The following VCPKMT variants were observed in gnomAD, a reference collection of about 807,000 sequenced individuals.
VCPKMT encodes the protein valosin containing protein lysine methyltransferase.
VCPKMT carries 32 observed loss-of-function variants against 28.6 expected under a neutral mutation model. The ratio of observed to expected loss-of-function variants is 1.12; its 90% confidence interval spans 0.84 to 1.50. The LOEUF (loss-of-function observed/expected upper bound fraction) is 1.50, where lower values mean the gene tolerates loss of function less well. Among genes scored for constraint, VCPKMT ranks in the 40% most tolerant of loss-of-function variants. VCPKMT has a pLI of 0.00. For synonymous variants in VCPKMT, 138 were observed against 111.4 expected, an observed-to-expected ratio of 1.24 and a Z score of -1.50; for missense variants, 366 against 285.0, an observed-to-expected ratio of 1.28 and a Z score of -2.05.
At position 50,108,836 on chromosome 14, in the gene VCPKMT, G is replaced by A. The variant is rs1026696429; in HGVS notation, c.*863C>T. The A allele has an allele frequency of 1.4e-5, 14 of 984,978 alleles. No homozygotes were observed. The African/African-American group carries it at 2.3e-4, about 16-fold the overall frequency. The allele number at this position is 984,978 out of a possible 1,614,324, so 61.0% of individuals were successfully genotyped here. A position where few individuals can be genotyped will look rare whatever the true frequency, so the allele number is the denominator to read the frequency against. Reference sequence around the variant, plus strand: ...GAAATTCATTTGGTATATACATATAGAACTACATTTGTAGTTATTCAAAAA... The same window carrying A: ...GAAATTCATTTGGTATATACATATAAAACTACATTTGTAGTTATTCAAAAA... On this transcript the variant is annotated 3_prime_UTR_variant, in exon 6 of 6. Transcript: ENST00000395860.
chr14:50,105,226 A>G (rs1228712472), downstream of VCPKMT, among the ~76,000 whole-genome samples: 1 of 152,374 alleles, frequency 6.6e-6, no homozygotes, highest in East Asian at 1.9e-4. Context: ...CTGTCATATC[A>G]TATTTTGCAT....
chr14:50,115,939 T>C, intron 2 of VCPKMT, 28 bp from the exon 3 acceptor site: 2 of 1,610,198 alleles, frequency 1.2e-6, no homozygotes, highest in Non-Finnish European at 1.7e-6. Context: ...AATATTTCAA[T>C]TGTTTTAATA....
chr14:50,114,282 T>C lies in VCPKMT; in HGVS notation c.570+3A>G, dbSNP rs1331454978. On this transcript the variant is annotated splice_donor_region_variant and intron_variant, in intron 4 of 5. Coordinates refer to ENST00000395860, the MANE Select transcript of VCPKMT (RefSeq NM_024558.3). ...CAAAGATAATAGAGTACTTAATACT[T>C]ACCTCAAAATATTTTTTCTCAATTT... 1 of 1,582,048 alleles carries C rather than the reference T, an allele frequency of 6.3e-7. No homozygotes were observed. Among genetic ancestry groups the C allele is most frequent in the Non-Finnish European group, 8.6e-7 (1 of 1,169,102 alleles).
chr14:50,111,581 C>T (rs570048367), intron 5 of VCPKMT: 1,564 of 985,296 alleles, frequency 1.6e-3, no homozygotes, highest in Non-Finnish European at 1.7e-3. Context: ...GCTGGAAATA[C>T]AAAAATAGAT....
At position 50,116,339 on chromosome 14, in the gene VCPKMT, G is replaced by C. The variant is rs752867076; in HGVS notation, c.214C>G (p.Leu72Val). ...GCCCCGGTGCCCGAACCCAGCTCCA[G>C]CACCGACCGCCGGCTCAGCGCGTGG... The part of the protein sequence containing the change: ...GAHALSRRSV[L>V]ELGSGTGAVG... Residue 72 changes from leucine to valine, a missense_variant, in exon 1 of 6, where the codon CTG becomes GTG. Transcript: ENST00000395860. The C allele has an allele frequency of 9.9e-6, 16 of 1,611,268 alleles. No homozygotes were observed. In the Admixed American group the frequency reaches 1.0e-4, roughly 10 times the overall value.
At chr14:50,114,194 C>T in intron 4 of VCPKMT, 91 bp downstream of exon 4, 1 of 1,263,042 alleles carries the variant, frequency 7.9e-7, no homozygotes, top group Non-Finnish European at 1.0e-6. Flanking sequence ...ATGTTTTCCC[C>T]ACCCAAAATT....
In VCPKMT at chr14:50,114,135, G is replaced by A. The variant is rs1000157540; in HGVS notation, c.570+150C>T. On this transcript the variant is annotated intron_variant, in intron 4 of 5. Transcript: ENST00000395860. ...AGAAAAGATGAAAAAGGGGAGCTTC[G>A]TAGAATCATGGGCTGTGAAGATCCT... 2.1e-5 allele frequency: 14 copies of A among 668,050 alleles called. No homozygotes were observed. In the East Asian group the frequency reaches 3.0e-4, roughly 14 times the overall value. 41.4% of individuals were successfully genotyped at this position (668,050 alleles called of 1,614,324 possible).
rs1298388196 is a variant in VCPKMT at position 50,110,905 on chromosome 14, G to A, written c.676-1192C>T. Among the ~76,000 whole-genome samples the A allele has an allele frequency of 2.6e-5, 4 of 152,202 alleles. No homozygotes were observed. The South Asian group carries it at 8.3e-4, about 32-fold the overall frequency. On this transcript the variant is annotated intron_variant, in intron 5 of 5. Coordinates refer to ENST00000395860, the MANE Select transcript of VCPKMT (RefSeq NM_024558.3). Reference sequence around the variant, plus strand: ...GCTGAGTGAAAGAAGACAGTCACAAGAGGCCACACAGTATGTGACTTGTTA... The same window carrying A: ...GCTGAGTGAAAGAAGACAGTCACAAAAGGCCACACAGTATGTGACTTGTTA...
At chr14:50,106,605 T>C, downstream of VCPKMT, 2 of 985,444 alleles carry the variant, frequency 2.0e-6, no homozygotes, top group Non-Finnish European at 1.2e-6. Context: ...TCTGTCTCCA[T>C]GCTTCGGAAT....
At chr14:50,104,693 G>GGAA (rs1555365546), downstream of VCPKMT, among the ~76,000 whole-genome samples, 2 of 87,260 alleles carry the variant, frequency 2.3e-5, no homozygotes, top group Non-Finnish European at 4.9e-5. Flanking sequence ...TTACTCTATT[G>GGAA]AAAAAAAAAA....
At position 50,116,214 on chromosome 14, in the gene VCPKMT, G is replaced by C. The variant is rs60114069; in HGVS notation, c.267-35C>G. On this transcript the variant is annotated intron_variant, in intron 1 of 5. Coordinates refer to ENST00000395860, the MANE Select transcript of VCPKMT (RefSeq NM_024558.3). The stretch of plus-strand genomic sequence containing the variant: ...AACGTCGACTGAGGTGTAGGCACAG[G>C]GGGGAAAGCCTGTAATCCGGATTTC... 2,151 of 1,613,404 alleles carry C rather than the reference G, an allele frequency of 1.3e-3. 22 individuals are homozygous for C. In the African/African-American group the frequency reaches 0.024, roughly 18 times the overall value.
chr14:50,114,234 G>A, intron 4 of VCPKMT, 51 bp downstream of exon 4: 2 of 1,425,514 alleles, frequency 1.4e-6, no homozygotes, highest in South Asian at 1.8e-5. Context: ...GTCACATACA[G>A]CCCCCCTGAA....
rs1160596467 is a variant in VCPKMT, at chr14:50,109,043, T to G, written c.*656A>C. 1.0e-6 allele frequency: 1 copy of G among 985,362 alleles called. No individual in the cohort carries two copies. The allele number at this position is 985,362 out of a possible 1,614,324, so 61.0% of individuals were successfully genotyped here. A position where few individuals can be genotyped will look rare whatever the true frequency, so the allele number is the denominator to read the frequency against. The stretch of plus-strand genomic sequence containing the variant: ...TGTTCCTCCAATCTTCTGATTTGTC[T>G]TCTTAGCAACTCATTACAGTACAAT... On this transcript the variant is annotated 3_prime_UTR_variant, in exon 6 of 6. Coordinates refer to ENST00000395860, the MANE Select transcript of VCPKMT (RefSeq NM_024558.3).
In VCPKMT at chr14:50,116,059, CCATA is replaced by C. The variant is rs751167806; in HGVS notation, c.377+6_377+9del. The C allele has an allele frequency of 6.9e-6, 11 of 1,601,812 alleles. No individual in the cohort carries two copies. The highest frequency in any genetic ancestry group is 2.2e-5 in the East Asian group (1 of 44,650). The stretch of plus-strand genomic sequence containing the variant: ...CAATATCTTAAAACAAGCTGAAAGG[CCATA>C]CAAACCATTTCAGTACCTTGGCTTG... On this transcript the variant is annotated splice_donor_region_variant and intron_variant, in intron 2 of 5. Coordinates refer to ENST00000395860, the MANE Select transcript of VCPKMT (RefSeq NM_024558.3).
At chr14:50,109,782 G>C (rs1463300684) in intron 5 of VCPKMT, 69 bp from the exon 6 acceptor site, 2 of 1,518,068 alleles carry the variant, frequency 1.3e-6, no homozygotes, top group African/African-American at 2.8e-5. Flanking sequence ...ATTTAATAAT[G>C]CCTAATATGC....
At chr14:50,103,549 G>A in the VCPKMT span, among the ~76,000 whole-genome samples, 1 of 152,120 alleles carries the variant, frequency 6.6e-6, no homozygotes, top group Non-Finnish European at 1.5e-5. Flanking sequence ...GTTAATCCTG[G>A]AGCTCCAGCC....
At chr14:50,111,574 G>C in intron 5 of VCPKMT, 1 of 985,304 alleles carries the variant, frequency 1.0e-6, no homozygotes, top group Non-Finnish European at 1.2e-6. Flanking sequence ...CAAAGGTGCT[G>C]GAAATACAAA....
At chr14:50,106,572 A>C, downstream of VCPKMT, 1 of 985,426 alleles carries the variant, frequency 1.0e-6, no homozygotes, top group Non-Finnish European at 1.2e-6. Flanking sequence ...TCAGCCTTAC[A>C]GTTCCCACAT....
At position 50,114,453 on chromosome 14, in the gene VCPKMT, A is replaced by G. The variant is rs1053124347; in HGVS notation, c.451-49T>C. The G allele has an allele frequency of 1.3e-5, 17 of 1,340,494 alleles. No individual in the cohort carries two copies. The Admixed American group carries it at 4.5e-4, about 36-fold the overall frequency. 83.0% of individuals were successfully genotyped at this position (1,340,494 alleles called of 1,614,324 possible). On this transcript the variant is annotated intron_variant, in intron 3 of 5. Transcript: ENST00000395860. Reference sequence around the variant, plus strand: ...TTGTTTTTGATTTAAAAATTTTTCTACTCTAAAAGTAGGTTGAGGAGGTAC... The same window carrying G: ...TTGTTTTTGATTTAAAAATTTTTCTGCTCTAAAAGTAGGTTGAGGAGGTAC...
Sources: gnomAD v4.1 joint callset for allele counts (sites outside exome capture counted in the v4.1 genomes callset) on GRCh38, gnomAD v4.1.1 for gene constraint, MANE v1.5 for transcripts, NCBI Gene and HGNC (gene_info 2026-07-23, HGNC 2026-07-21) for gene names.